Variants in APPL2 observed in about 807,000 individuals in gnomAD.
APPL2 encodes the protein DCC-interacting protein 13-beta.
Under a neutral mutation model 92.7 loss-of-function variants are expected in APPL2, and 84 were observed. The ratio of observed to expected loss-of-function variants is 0.91; its 90% CI spans 0.76 to 1.09. The LOEUF is 1.09. APPL2 is among the 50% of genes least tolerant of loss of function. APPL2 has a pLI of 0.00. For synonymous variants in APPL2, 291 were observed against 291.0 expected (o/e 1.00, Z 0.00); for missense variants, 736 against 824.5 (o/e 0.89, Z 1.31).
intron 11 of APPL2, 34 bp downstream of exon 11, chr12:105,197,731 C>CA: frequency 6.2e-7 from 1 of 1,613,132 alleles, no homozygotes. Context: ...CCACTATACT[C>CA]ATTCTCCTCC....
chr12:105,190,848 G>A (rs916606615), intron 14 of APPL2, among the ~76,000 whole-genome samples: 2 of 152,148 alleles, frequency 1.3e-5, no homozygotes, highest in East Asian at 1.9e-4. Context: ...CAAATACTGT[G>A]CTCTCTGTGG....
chr12:105,200,268 A>G (rs1299070019), intron 9 of APPL2, among the ~76,000 whole-genome samples: 2 of 152,252 alleles, frequency 1.3e-5, no homozygotes, highest in Non-Finnish European at 2.9e-5. Context: ...AGTTCCATAA[A>G]GGAAGGAATG....
rs1891216353 is a variant in APPL2, at chr12:105,236,147, C to G, written c.-135G>C. On this transcript the variant is annotated 5_prime_UTR_variant, in exon 1 of 21. Coordinates refer to ENST00000258530, the MANE Select transcript of APPL2 (RefSeq NM_018171.5). Reference sequence around the variant, plus strand: ...TGCCCGCGGCGGCCCCGCGCGCGTCCACGCCTGGCCAGTGGCCGCCGCCGC... The same window carrying G: ...TGCCCGCGGCGGCCCCGCGCGCGTCGACGCCTGGCCAGTGGCCGCCGCCGC... The G allele has an allele frequency of 6.5e-6, 2 of 306,504 alleles. No individual in the cohort carries two copies. Among genetic ancestry groups the G allele is most frequent in the Non-Finnish European group, 9.1e-6 (2 of 218,652 alleles). The allele number at this position is 306,504 out of a possible 1,614,324, so 19.0% of individuals were successfully genotyped here.
At chr12:105,193,720 C>CT (rs1237693750) in intron 14 of APPL2, among the ~76,000 whole-genome samples, 3 of 152,160 alleles carry the variant, frequency 2.0e-5, no homozygotes, top group Admixed American at 6.5e-5. Context: ...TCTTTCTCCT[C>CT]TTTTTTAAAA....
chr12:105,234,486 T>C (rs1038853221), intron 1 of APPL2, among the ~76,000 whole-genome samples: 2 of 152,250 alleles, frequency 1.3e-5, no homozygotes, highest in African/African-American at 4.8e-5. Flanking sequence ...AAACAGTGTA[T>C]ATTCCTTTAT....
chr12:105,203,233 C>A (rs1198029751), intron 9 of APPL2, among the ~76,000 whole-genome samples: 1 of 152,218 alleles, frequency 6.6e-6, no homozygotes, highest in East Asian at 1.9e-4. Flanking sequence ...GTTAGTGTGG[C>A]AGTTACTCAA....
chr12:105,228,703 A>AGT (rs1890704439), intron 2 of APPL2, among the ~76,000 whole-genome samples: 1 of 152,204 alleles, frequency 6.6e-6, no homozygotes, highest in Non-Finnish European at 1.5e-5. Flanking sequence ...CAGAACTGTG[A>AGT]CTCAAGTCTT....
intron 17 of APPL2, among the ~76,000 whole-genome samples, chr12:105,179,275 TG>T (rs1885874694): frequency 6.6e-6 from 1 of 152,186 alleles, no homozygotes; most frequent in Admixed American, 6.5e-5. Flanking sequence ...CTGAGAATGA[TG>T]GTTTCCAGCT....
At chr12:105,174,876 T>TTGGG (rs1555244797) in intron 20 of APPL2, among the ~76,000 whole-genome samples, 1 of 89,010 alleles carries the variant, frequency 1.1e-5, no homozygotes, top group Non-Finnish European at 2.3e-5. Context: ...TTTTTTTTGG[T>TTGGG]GGGGGGGGGG....
chr12:105,214,379 G>A (rs1388282428), intron 4 of APPL2, among the ~76,000 whole-genome samples: 4 of 152,148 alleles, frequency 2.6e-5, no homozygotes, highest in Admixed American at 6.5e-5. Flanking sequence ...TGTGACTCAG[G>A]AGTGTAGTCT....
At chr12:105,184,288 A>G (rs558803331) in intron 17 of APPL2, among the ~76,000 whole-genome samples, 44 of 152,164 alleles carry the variant, frequency 2.9e-4, no homozygotes, top group Non-Finnish European at 5.3e-4. Context: ...TCTCCGTCCA[A>G]TTTTGTTCCC....
At chr12:105,219,624 T>TGGTGTAAG (rs369942983) in intron 2 of APPL2, among the ~76,000 whole-genome samples, 4 of 152,354 alleles carry the variant, frequency 2.6e-5, no homozygotes, top group African/African-American at 9.6e-5. Flanking sequence ...CCTGAAATCA[T>TGGTGTAAG]GGTGTAAGGG....
chr12:105,189,376 A>C (rs545157474), intron 16 of APPL2, among the ~76,000 whole-genome samples: 5 of 152,184 alleles, frequency 3.3e-5, no homozygotes, highest in Admixed American at 6.5e-5. Flanking sequence ...AAAACCAAAA[A>C]TTTGAATTTG....
intron 9 of APPL2, chr12:105,203,439 CA>C: frequency 2.3e-6 from 1 of 437,526 alleles, no homozygotes; most frequent in Non-Finnish European, 4.0e-6. Context: ...AAAACCACAG[CA>C]AAGCTAAGCT....
At chr12:105,186,711 C>CATATAT (rs879874537) in intron 17 of APPL2, among the ~76,000 whole-genome samples, 3 of 38,564 alleles carry the variant, frequency 7.8e-5, no homozygotes, top group East Asian at 3.4e-3. Flanking sequence ...TATCATATAT[C>CATATAT]ATATCATATA....
intron 17 of APPL2, 136 bp downstream of exon 17, chr12:105,188,137 C>T: frequency 1.0e-6 from 1 of 957,484 alleles, no homozygotes; most frequent in Admixed American, 2.7e-5. Context: ...GGCTATCTAT[C>T]TTATGTAAAA....
chr12:105,222,121 A>C (rs1291009946), intron 2 of APPL2, among the ~76,000 whole-genome samples: 2 of 152,174 alleles, frequency 1.3e-5, no homozygotes, highest in Non-Finnish European at 2.9e-5. Flanking sequence ...GGATGCACAC[A>C]GGGAGTAGTG....
chr12:105,180,544 T>C (rs1566048866), intron 17 of APPL2, among the ~76,000 whole-genome samples: 1 of 151,056 alleles, frequency 6.6e-6, no homozygotes, highest in Non-Finnish European at 1.5e-5. Flanking sequence ...GGAATAGCAC[T>C]ATTACTTTGG....
At chr12:105,226,464 G>GA (rs1387768617) in intron 2 of APPL2, among the ~76,000 whole-genome samples, 1 of 152,198 alleles carries the variant, frequency 6.6e-6, no homozygotes, top group Non-Finnish European at 1.5e-5. Flanking sequence ...CTCTAGGAAG[G>GA]AAAGACCCAC....
Sources: allele counts gnomAD v4.1 joint callset (sites outside exome capture counted in the v4.1 genomes callset), GRCh38; gene constraint gnomAD v4.1.1; transcripts MANE v1.5; gene names NCBI Gene and HGNC (gene_info 2026-07-23, HGNC 2026-07-21).